SLC6A19: variants seen among roughly 807,000 people sequenced by gnomAD.
SLC6A19 encodes sodium-dependent neutral amino acid transporter B(0)AT1.
In SLC6A19, 67 loss-of-function variants were observed where a neutral mutation model predicts 68.3. The observed-to-expected ratio is 0.98, with a 90% CI of 0.81 to 1.20. The LOEUF (loss-of-function observed/expected upper bound fraction) is 1.20. Ranked by LOEUF, SLC6A19 falls within the 50% of genes most tolerant of loss-of-function variation. The pLI is 0.00. For synonymous variants in SLC6A19, 392 were observed against 374.9 expected (o/e 1.05, Z -0.53); for missense variants, 813 against 851.6 (o/e 0.95, Z 0.56).
rs539049074 is a variant in SLC6A19, at chr5:1,214,189, G to A, written c.887+124G>A. 255 of 1,526,216 alleles carry A rather than the reference G, an allele frequency of 1.7e-4. 2 individuals are homozygous for A. The Admixed American group carries it at 3.7e-3, about 22-fold the overall frequency. 94.5% of individuals were successfully genotyped at this position (1,526,216 alleles called of 1,614,324 possible). On this transcript the variant is annotated intron_variant, in intron 6 of 11. Transcript: ENST00000304460. The surrounding 1 kb of genome is among the most constrained non-coding windows in gnomAD (Gnocchi z 7.4). ...GGCCGGGGCCTTGCTGCCCCGATGG[G>A]CCCGTTCCCTCCTGCTCGGGGTCCA...
rs565360882 is a variant in SLC6A19 at position 1,215,518 on chromosome 5, G to A, written c.888-1040G>A. On this transcript the variant is annotated intron_variant, in intron 6 of 11. Coordinates refer to ENST00000304460, the MANE Select transcript of SLC6A19 (RefSeq NM_001003841.3). The surrounding 1 kb of genome is among the most constrained non-coding windows in gnomAD (Gnocchi z 5.1). ...GGTGGCCACATTGCCACAGCCCTGTGTCTGATCCTTGCATGGGGCACAACA... is the reference window on the plus strand; with the variant it reads ...GGTGGCCACATTGCCACAGCCCTGTATCTGATCCTTGCATGGGGCACAACA... Among the ~76,000 whole-genome samples the A allele has an allele frequency of 6.6e-5, 10 of 152,362 alleles. No homozygotes were observed. The South Asian group carries it at 1.7e-3, about 25-fold the overall frequency.
intron 9 of SLC6A19, 151 bp downstream of exon 9, chr5:1,219,258 G>C (rs1480151294): frequency 9.4e-7 from 1 of 1,058,560 alleles, no homozygotes; most frequent in Non-Finnish European, 1.4e-6. Context: ...CAGCCCCCAG[G>C]CGTGTGAACA....
chr5:1,219,459 C>A, intron 9 of SLC6A19, 46 bp from the exon 10 acceptor site: 1 of 1,597,952 alleles, frequency 6.3e-7, no homozygotes, highest in Non-Finnish European at 8.5e-7. Flanking sequence ...CCTGGCCGTG[C>A]GTGCAGCCCC....
rs369819680 is a variant in SLC6A19 at position 1,208,978 on chromosome 5, C to T, written c.343+92C>T. On this transcript the variant is annotated intron_variant, in intron 2 of 11. Transcript: ENST00000304460. ...GGCCCAGGGTTCGCCTTGCCGGCCT[C>T]GGTGCCCCTGCTCTGCCTTCCCTGT... The T allele has an allele frequency of 1.2e-3, 1,742 of 1,474,666 alleles. 1 individual carries two copies. The highest frequency in any genetic ancestry group is 1.6e-3 in the Admixed American group (74 of 47,510). 91.3% of individuals were successfully genotyped at this position (1,474,666 alleles called of 1,614,324 possible).
rs774479756 is a variant in SLC6A19, at chr5:1,219,485, CT to C, written c.1379-19del. 1 of 1,608,928 alleles carries C rather than the reference CT, an allele frequency of 6.2e-7. No individual in the cohort carries two copies. Among genetic ancestry groups the C allele is most frequent in the East Asian group, 2.2e-5 (1 of 44,862 alleles). On this transcript the variant is annotated intron_variant, in intron 9 of 11. Coordinates refer to ENST00000304460, the MANE Select transcript of SLC6A19 (RefSeq NM_001003841.3). ...GTGCAGCCCCTGGGCGTGTGAGCAG[CT>C]CTGTCCCCCGGCCTGCAGGCCTCAT...
chr5:1,212,417 T>A lies in SLC6A19; in HGVS notation c.596T>A (p.Leu199Gln). The part of the protein sequence containing the change: ...DSGSIQWWML[L>Q]CLACAWSVLY... The stretch of plus-strand genomic sequence containing the variant: ...GGCTCCATCCAGTGGTGGATGCTGC[T>A]GTGCCTGGCCTGCGCATGGAGCGTC... The change falls in exon 4 of 12, where the codon CTG becomes CAG. Residue 199 changes from leucine (L) to glutamine (Q), a missense_variant. By Grantham distance (113) the Leu-to-Gln change is moderately radical. Transcript: ENST00000304460. The surrounding 1 kb of genome is among the most constrained non-coding windows in gnomAD (Gnocchi z 5.1). 1 of 1,612,686 alleles carries A rather than the reference T, an allele frequency of 6.2e-7. No homozygotes were observed.
intron 2 of SLC6A19, 92 bp downstream of exon 2, chr5:1,208,978 C>A: frequency 1.4e-6 from 2 of 1,474,668 alleles, no homozygotes; most frequent in East Asian, 2.4e-5. Context: ...TTGCCGGCCT[C>A]GGTGCCCCTG....
chr5:1,222,471 T>C lies in SLC6A19; in HGVS notation c.*567T>C, dbSNP rs1746418123. 4.6e-6 allele frequency: 2 copies of C among 434,996 alleles called. No individual in the cohort carries two copies. The highest frequency in any genetic ancestry group is 4.0e-5 in the African/African-American group (2 of 50,612). 26.9% of individuals were successfully genotyped at this position (434,996 alleles called of 1,614,324 possible). A position where few individuals can be genotyped will look rare whatever the true frequency, so the allele number is the denominator to read the frequency against. Reference sequence around the variant, plus strand: ...CTGTGTGTGCGTTTGCAAGTATATATGCACATGTGTATATGTACATGTATG... The same window carrying C: ...CTGTGTGTGCGTTTGCAAGTATATACGCACATGTGTATATGTACATGTATG... On this transcript the variant is annotated 3_prime_UTR_variant, in exon 12 of 12. Coordinates refer to ENST00000304460, the MANE Select transcript of SLC6A19 (RefSeq NM_001003841.3).
intron 1 of SLC6A19, 55 bp downstream of exon 1, chr5:1,201,907 C>T (rs1745716238): frequency 1.1e-5 from 17 of 1,565,272 alleles, no homozygotes; most frequent in Non-Finnish European, 1.5e-5. Context: ...AGCACAGACA[C>T]ACGCAGAGGC....
intron 1 of SLC6A19, among the ~76,000 whole-genome samples, chr5:1,207,992 A>G (rs1350624810): frequency 6.6e-6 from 1 of 152,258 alleles, no homozygotes; most frequent in Non-Finnish European, 1.5e-5. Context: ...TCACAGCAGA[A>G]GCAGAAATGT....
At position 1,222,449 on chromosome 5, in the gene SLC6A19, T is replaced by C. The variant is rs1746417091; in HGVS notation, c.*545T>C. ...TGCAATTGTGTGTATGTGTGTTCTG[T>C]GTGTGCGTTTGCAAGTATATATGCA... On this transcript the variant is annotated 3_prime_UTR_variant, in exon 12 of 12. Transcript: ENST00000304460. The C allele has an allele frequency of 4.6e-6, 2 of 434,892 alleles. No individual in the cohort carries two copies. The highest frequency in any genetic ancestry group is 1.8e-4 in the South Asian group (2 of 10,834). The allele number at this position is 434,892 out of a possible 1,614,324, so 26.9% of individuals were successfully genotyped here.
In SLC6A19 at chr5:1,201,978, C is replaced by T. The variant is rs372120286; in HGVS notation, c.202+126C>T. Reference sequence around the variant, plus strand: ...CAAGCACGGAGGGGAGAGGAGAAGCCGCAGGGTGTGGGGGGAGCTGGGGCC... The same window carrying T: ...CAAGCACGGAGGGGAGAGGAGAAGCTGCAGGGTGTGGGGGGAGCTGGGGCC... On this transcript the variant is annotated intron_variant, in intron 1 of 11. Transcript: ENST00000304460. The T allele has an allele frequency of 3.5e-4, 452 of 1,310,090 alleles. 2 individuals are homozygous for T. In the African/African-American group the frequency reaches 5.1e-3, roughly 15 times the overall value. 81.2% of individuals were successfully genotyped at this position (1,310,090 alleles called of 1,614,324 possible).
At position 1,222,742 on chromosome 5, in the gene SLC6A19, G is replaced by A. The variant is rs769986117; in HGVS notation, c.*838G>A. On this transcript the variant is annotated 3_prime_UTR_variant, in exon 12 of 12. Coordinates refer to ENST00000304460, the MANE Select transcript of SLC6A19 (RefSeq NM_001003841.3). ...GTGTGGATATGTGTGCGTACACGTC[G>A]CTGGGACACATGCCTGCCACTCGGG... 33 of 155,596 alleles carry A rather than the reference G, an allele frequency of 2.1e-4. No homozygotes were observed. The highest frequency in any genetic ancestry group is 6.2e-4 in the African/African-American group (26 of 41,684). The allele number at this position is 155,596 out of a possible 1,614,324, so 9.6% of individuals were successfully genotyped here. A position where few individuals can be genotyped will look rare whatever the true frequency, so the allele number is the denominator to read the frequency against.
At chr5:1,211,155 C>T (rs942948068) in intron 3 of SLC6A19, among the ~76,000 whole-genome samples, 2 of 152,212 alleles carry the variant, frequency 1.3e-5, no homozygotes, top group Non-Finnish European at 2.9e-5. Flanking sequence ...GCGGGGCCAG[C>T]GGGGCTTCCC....
Position 1,221,781 on chromosome 5 carries a change from C to T in SLC6A19, c.1782C>T (p.Ser594=). 2 of 1,614,184 alleles carry T rather than the reference C, an allele frequency of 1.2e-6. No homozygotes were observed. The highest frequency in any genetic ancestry group is 1.7e-6 in the Non-Finnish European group (2 of 1,180,008). The change falls in exon 12 of 12, where the codon TCC becomes TCT. Residue 594 remains serine, a synonymous_variant. Transcript: ENST00000304460. ...TGGTGATTGTGGCTGGAGTGCCCTC[C>T]CTCACCATCCCTGGCTATGCCATCT... ...VVVVIVAGVP[S]LTIPGYAIYK... is the part of the protein sequence containing the mutation.
At chr5:1,208,562 T>C (rs952692108) in intron 1 of SLC6A19, among the ~76,000 whole-genome samples, 184 bp from the exon 2 acceptor site, 5 of 152,162 alleles carry the variant, frequency 3.3e-5, no homozygotes, top group African/African-American at 1.2e-4. Flanking sequence ...CCAGCAGTGC[T>C]TCTAGAACGT....
At chr5:1,201,905 C>T (rs1579505912) in intron 1 of SLC6A19, 53 bp downstream of exon 1, 2 of 1,573,506 alleles carry the variant, frequency 1.3e-6, no homozygotes, top group East Asian at 4.6e-5. Context: ...GAAGCACAGA[C>T]ACACGCAGAG....
chr5:1,214,110 G>A lies in SLC6A19; in HGVS notation c.887+45G>A. Reference sequence around the variant, plus strand: ...GCCTCAGTTTCCCTCTCAGTCCTGGGGGGATCTTGCTGGGAGGATAAAAGA... The same window carrying A: ...GCCTCAGTTTCCCTCTCAGTCCTGGAGGGATCTTGCTGGGAGGATAAAAGA... On this transcript the variant is annotated intron_variant, in intron 6 of 11. Transcript: ENST00000304460. This position sits in a 1 kb window ranked among gnomAD's most constrained non-coding sequence, Gnocchi z 7.4. 1 of 1,613,024 alleles carries A rather than the reference G, an allele frequency of 6.2e-7. No homozygotes were observed. The highest frequency in any genetic ancestry group is 1.1e-5 in the South Asian group (1 of 91,064).
Position 1,222,683 on chromosome 5 carries a change from G to A in SLC6A19, c.*779G>A, listed in dbSNP as rs61352532. ...TGCGCATATGGACACGCATGGACAC[G>A]CATATGGACACATATGGACACACAT... On this transcript the variant is annotated 3_prime_UTR_variant, in exon 12 of 12. Transcript: ENST00000304460. The A allele has an allele frequency of 0.018, 3,521 of 190,716 alleles. 108 individuals carry two copies. The highest frequency in any genetic ancestry group is 0.063 in the African/African-American group (2,716 of 42,932). The allele number at this position is 190,716 out of a possible 1,614,324, so 11.8% of individuals were successfully genotyped here. A position where few individuals can be genotyped will look rare whatever the true frequency, so the allele number is the denominator to read the frequency against.
Sources: gnomAD v4.1 joint callset for allele counts (sites outside exome capture counted in the v4.1 genomes callset) on GRCh38, gnomAD v4.1.1 for gene constraint, Gnocchi (gnomAD v3.1) non-coding constraint, MANE v1.5 for transcripts, NCBI Gene and HGNC (gene_info 2026-07-23, HGNC 2026-07-21) for gene names.